The following FAM3C variants were observed in gnomAD, a reference collection of about 807,000 sequenced individuals.
FAM3C encodes protein FAM3C.
FAM3C carries 15 observed loss-of-function variants against 32.5 expected under a neutral mutation model. The observed-to-expected ratio is 0.46, with a 90% CI of 0.31 to 0.71. The LOEUF (loss-of-function observed/expected upper bound fraction) is 0.71, where lower values mean the gene tolerates loss of function less well. FAM3C is among the 30% of genes least tolerant of loss of function. The probability of loss-of-function intolerance (pLI) is 0.05; values close to 1 mark genes in which losing one functional copy is unlikely to be tolerated. For missense variants in FAM3C, 175 were observed against 274.4 expected (o/e 0.64, Z 2.56); for synonymous variants, 75 against 86.1 (o/e 0.87, Z 0.72).
intron 8 of FAM3C, among the ~76,000 whole-genome samples, chr7:121,359,169 TTTAA>T (rs559742695): frequency 1.8e-3 from 268 of 152,118 alleles, no homozygotes; most frequent in African/African-American, 5.8e-3. Context: ...ATGCACATCC[TTTAA>T]TTAATCATTT....
At chr7:121,378,162 A>G (rs919122931) in intron 3 of FAM3C, among the ~76,000 whole-genome samples, 1 of 152,244 alleles carries the variant, frequency 6.6e-6, no homozygotes. Flanking sequence ...TTCATATGAA[A>G]ACATTTCAAA....
chr7:121,349,508 G>A lies in FAM3C; in HGVS notation c.*953C>T, dbSNP rs1400793236. Reference sequence around the variant, plus strand: ...TTTGTAAATATGCCACTATAGCTTCGGGCAATAATTGCTATTATGAAGTTA... The same window carrying A: ...TTTGTAAATATGCCACTATAGCTTCAGGCAATAATTGCTATTATGAAGTTA... On this transcript the variant is annotated 3_prime_UTR_variant, in exon 10 of 10. Transcript: ENST00000359943. The A allele has an allele frequency of 1.3e-5, 2 of 152,002 alleles. No homozygotes were observed. The highest frequency in any genetic ancestry group is 2.9e-5 in the Non-Finnish European group (2 of 67,984). 9.4% of individuals were successfully genotyped at this position (152,002 alleles called of 1,614,324 possible).
intron 5 of FAM3C, among the ~76,000 whole-genome samples, chr7:121,367,683 G>GT (rs1794049987): frequency 6.6e-6 from 1 of 152,098 alleles, no homozygotes; most frequent in South Asian, 2.1e-4. Context: ...AGTTCTATGG[G>GT]TGCTCTAACG....
At chr7:121,367,445 A>G (rs1157617076) in intron 5 of FAM3C, among the ~76,000 whole-genome samples, 1 of 152,212 alleles carries the variant, frequency 6.6e-6, no homozygotes, top group Non-Finnish European at 1.5e-5. Flanking sequence ...TACATTTTAA[A>G]TGATTATGTA....
At chr7:121,389,241 G>C (rs1467692046) in intron 1 of FAM3C, among the ~76,000 whole-genome samples, 1 of 152,070 alleles carries the variant, frequency 6.6e-6, no homozygotes, top group African/African-American at 2.4e-5. Context: ...GAATTTCATA[G>C]TACAACCCCC....
At chr7:121,367,755 C>G (rs1386024547) in intron 5 of FAM3C, among the ~76,000 whole-genome samples, 1 of 151,998 alleles carries the variant, frequency 6.6e-6, no homozygotes. Flanking sequence ...CTGCTTGAAC[C>G]CAAGACTTCA....
At chr7:121,359,825 G>A (rs138089939) in intron 8 of FAM3C, among the ~76,000 whole-genome samples, 270 of 152,060 alleles carry the variant, frequency 1.8e-3, no homozygotes, top group African/African-American at 6.0e-3. Flanking sequence ...TATAAAAAAT[G>A]TTACATATGA....
chr7:121,395,802 G>C (rs1794679202), intron 1 of FAM3C, among the ~76,000 whole-genome samples: 1 of 152,036 alleles, frequency 6.6e-6, no homozygotes, highest in Non-Finnish European at 1.5e-5. Context: ...CCTACACGCT[G>C]CAGGGGCGCG....
At position 121,378,765 on chromosome 7, in the gene FAM3C, T is replaced by G. The variant is rs1794291694; in HGVS notation, c.118+145A>C. The G allele has an allele frequency of 1.4e-5, 6 of 437,160 alleles. No individual in the cohort carries two copies. The Admixed American group carries it at 2.7e-4, about 20-fold the overall frequency. The allele number at this position is 437,160 out of a possible 1,614,324, so 27.1% of individuals were successfully genotyped here. A position where few individuals can be genotyped will look rare whatever the true frequency, so the allele number is the denominator to read the frequency against. On this transcript the variant is annotated intron_variant, in intron 3 of 9. Transcript: ENST00000359943. Reference sequence around the variant, plus strand: ...AATTCCAAAATATCTAATTATATACTGTAAAATATTCTAACAAATCATATT... The same window carrying G: ...AATTCCAAAATATCTAATTATATACGGTAAAATATTCTAACAAATCATATT...
intron 1 of FAM3C, among the ~76,000 whole-genome samples, chr7:121,390,097 C>T (rs552867323): frequency 6.6e-6 from 1 of 152,288 alleles, no homozygotes; most frequent in South Asian, 2.1e-4. Flanking sequence ...AGAACTGTTG[C>T]TTTGTAATTT....
intron 5 of FAM3C, among the ~76,000 whole-genome samples, chr7:121,368,597 T>C (rs1056940658): frequency 5.9e-5 from 9 of 152,096 alleles, no homozygotes; most frequent in African/African-American, 9.7e-5. Context: ...CTTTTTTCAA[T>C]ATAAATAAAA....
At chr7:121,353,817 T>C (rs972479356) in intron 8 of FAM3C, among the ~76,000 whole-genome samples, 1 of 152,234 alleles carries the variant, frequency 6.6e-6, no homozygotes, top group African/African-American at 2.4e-5. Context: ...AAGACTCCTT[T>C]GTCCCTCCAG....
chr7:121,352,115 A>G (rs566623019), intron 8 of FAM3C, among the ~76,000 whole-genome samples: 1 of 152,322 alleles, frequency 6.6e-6, no homozygotes, highest in South Asian at 2.1e-4. Flanking sequence ...GGTCACTTAG[A>G]GAGGTTTGTT....
intron 5 of FAM3C, among the ~76,000 whole-genome samples, chr7:121,366,858 T>C (rs1445683393): frequency 6.6e-6 from 1 of 152,170 alleles, no homozygotes; most frequent in Non-Finnish European, 1.5e-5. Context: ...ATTCAATAAG[T>C]AAACTCCATC....
At chr7:121,356,145 C>T (rs1793803650) in intron 8 of FAM3C, among the ~76,000 whole-genome samples, 1 of 151,564 alleles carries the variant, frequency 6.6e-6, no homozygotes. Flanking sequence ...AAAACTAATA[C>T]AATTCTAGTC....
intron 1 of FAM3C, among the ~76,000 whole-genome samples, chr7:121,384,119 C>A (rs965250066): frequency 2.0e-5 from 3 of 152,132 alleles, no homozygotes; most frequent in African/African-American, 7.2e-5. Context: ...CTGGACAGCT[C>A]CCAAAAGTCC....
At chr7:121,369,654 G>A (rs767058502) in intron 5 of FAM3C, among the ~76,000 whole-genome samples, 1 of 152,156 alleles carries the variant, frequency 6.6e-6, no homozygotes, top group African/African-American at 2.4e-5. Flanking sequence ...TGCACTGTTC[G>A]CTTTCTGACC....
intron 4 of FAM3C, 116 bp downstream of exon 4, chr7:121,371,994 A>G: frequency 1.4e-6 from 1 of 723,274 alleles, no homozygotes; most frequent in Non-Finnish European, 2.3e-6. Flanking sequence ...ATAACTTTAA[A>G]AAGCAATTTC....
rs534357544 is a variant in FAM3C, at chr7:121,375,773, T to C, written c.118+3137A>G. Among the ~76,000 whole-genome samples the C allele has an allele frequency of 1.1e-4, 17 of 152,302 alleles. No individual in the cohort carries two copies. The South Asian group carries it at 3.5e-3, about 32-fold the overall frequency. ...TAAAAACAGTGGGTCTTTTCCCATG[T>C]AACTTCTATTTGTTCCAATGGTCCC... On this transcript the variant is annotated intron_variant, in intron 3 of 9. Transcript: ENST00000359943.
Sources: allele counts gnomAD v4.1 joint callset (sites outside exome capture counted in the v4.1 genomes callset), GRCh38; gene constraint gnomAD v4.1.1; transcripts MANE v1.5; gene names NCBI Gene and HGNC (gene_info 2026-07-23, HGNC 2026-07-21).